Variants in ANK3 observed in about 807,000 individuals in gnomAD.
ANK3 encodes ankyrin 3.
ANK3 carries 57 observed loss-of-function variants against 370.9 expected under a neutral mutation model. That is an observed-to-expected ratio of 0.15 (90% CI 0.12 to 0.19). ANK3 has a LOEUF of 0.19. ANK3 is among the 10% of genes least tolerant of loss of function. The pLI is 1.00. For missense variants in ANK3, 4,439 were observed against 5,302.1 expected, an observed-to-expected ratio of 0.84 and a Z score of 5.06; for synonymous variants, 1,929 against 1,946.3, an observed-to-expected ratio of 0.99 and a Z score of 0.23.
At chr10:60,721,491 A>G (rs2079862749) in intron 1 of ANK3, among the ~76,000 whole-genome samples, 1 of 152,228 alleles carries the variant, frequency 6.6e-6, no homozygotes, top group Admixed American at 6.5e-5. Flanking sequence ...AGACGTTTGG[A>G]CTTTATCCTA....
chr10:60,078,341 AC>A (rs2084301884), intron 36 of ANK3, among the ~76,000 whole-genome samples: 1 of 152,156 alleles, frequency 6.6e-6, no homozygotes, highest in African/African-American at 2.4e-5. Flanking sequence ...CCTATTCATT[AC>A]CCCTTCTTGC....
intron 9 of ANK3, among the ~76,000 whole-genome samples, chr10:60,208,938 T>C (rs912175796): frequency 1.3e-5 from 2 of 152,196 alleles, no homozygotes; most frequent in African/African-American, 4.8e-5. Context: ...GACTTGTTAG[T>C]TTAAATCAAC....
At chr10:60,031,987 T>G (rs1299327013) in intron 43 of ANK3, among the ~76,000 whole-genome samples, 1 of 151,890 alleles carries the variant, frequency 6.6e-6, no homozygotes, top group East Asian at 1.9e-4. Flanking sequence ...TTGCAGAGGG[T>G]GGGCAAATCA....
rs781387552 is a variant in ANK3, at chr10:60,083,497, T to C, written c.4195A>G (p.Ile1399Val). The C allele has an allele frequency of 3.7e-6, 6 of 1,610,672 alleles. No homozygotes were observed. The Admixed American group carries it at 8.4e-5, about 23-fold the overall frequency. The change falls in exon 33 of 44, where the codon ATC becomes GTC. Residue 1399 changes from isoleucine to valine, a missense_variant. Transcript: ENST00000280772. ...SFKENRLPFS[I>V]KIRDTSQEPC... Reference sequence around the variant, plus strand: ...CTCTGTTAAAGATGATTTACCTTGATGGAAAATGGCAGTCTATTTTCTTTG... The same window carrying C: ...CTCTGTTAAAGATGATTTACCTTGACGGAAAATGGCAGTCTATTTTCTTTG...
At chr10:60,694,578 G>C (rs1404572977) in intron 1 of ANK3, among the ~76,000 whole-genome samples, 3 of 152,142 alleles carry the variant, frequency 2.0e-5, no homozygotes, top group Non-Finnish European at 2.9e-5. Flanking sequence ...CCAGAAGAGA[G>C]TGGGGGCCAA....
chr10:60,384,913 A>G (rs1038635476), intron 1 of ANK3, among the ~76,000 whole-genome samples: 5 of 152,116 alleles, frequency 3.3e-5, no homozygotes, highest in Non-Finnish European at 5.9e-5. Context: ...TATCTTTGGT[A>G]TGCAACACCC....
At chr10:60,412,755 G>C (rs1435016977) in intron 2 of ANK3, among the ~76,000 whole-genome samples, 3 of 151,982 alleles carry the variant, frequency 2.0e-5, no homozygotes, top group African/African-American at 7.3e-5. Context: ...CCAGCACAGA[G>C]AGAATGTGCA....
intron 1 of ANK3, among the ~76,000 whole-genome samples, chr10:60,345,009 T>C (rs992103076): frequency 6.6e-6 from 1 of 152,132 alleles, no homozygotes; most frequent in Non-Finnish European, 1.5e-5. Flanking sequence ...CCCAGGTCCA[T>C]GGGTTTGCTA....
chr10:60,498,099 TC>T (rs1249501970), intron 2 of ANK3, among the ~76,000 whole-genome samples: 3 of 152,188 alleles, frequency 2.0e-5, no homozygotes, highest in South Asian at 2.1e-4. Context: ...AAGCCTTCCT[TC>T]CCATTTCTAC....
intron 1 of ANK3, among the ~76,000 whole-genome samples, chr10:60,677,469 T>A (rs2079139830): frequency 1.4e-5 from 2 of 148,016 alleles, no homozygotes; most frequent in African/African-American, 5.1e-5. Context: ...AATCTTTGGT[T>A]TAGAGGCTGC....
At chr10:60,317,787 C>A (rs2047768750) in intron 1 of ANK3, among the ~76,000 whole-genome samples, 1 of 149,088 alleles carries the variant, frequency 6.7e-6, no homozygotes, top group Non-Finnish European at 1.5e-5. Flanking sequence ...GATCTCGGCT[C>A]ACTGTAAGCT....
chr10:60,305,230 C>T (rs1043157446), intron 1 of ANK3, among the ~76,000 whole-genome samples: 3 of 152,076 alleles, frequency 2.0e-5, no homozygotes, highest in African/African-American at 2.4e-5. Flanking sequence ...AAAATTGCTG[C>T]GTTTTTTGGT....
At chr10:60,178,909 A>G (rs1301424945) in intron 18 of ANK3, among the ~76,000 whole-genome samples, 2 of 151,008 alleles carry the variant, frequency 1.3e-5, no homozygotes, top group African/African-American at 2.4e-5. Flanking sequence ...GTGAACTTCA[A>G]ATGCAAAAGG....
intron 8 of ANK3, among the ~76,000 whole-genome samples, chr10:60,231,149 A>C (rs1039074015): frequency 6.6e-6 from 1 of 152,186 alleles, no homozygotes; most frequent in Non-Finnish European, 1.5e-5. Flanking sequence ...AGTCACACTT[A>C]AGATTACAGA....
intron 7 of ANK3, among the ~76,000 whole-genome samples, chr10:60,248,989 T>A (rs2097600197): frequency 6.6e-6 from 1 of 152,210 alleles, no homozygotes; most frequent in African/African-American, 2.4e-5. Flanking sequence ...GCAAAAATAG[T>A]TAATGTCTAA....
At chr10:60,628,085 AC>A (rs1595362443) in intron 1 of ANK3, among the ~76,000 whole-genome samples, 2 of 152,066 alleles carry the variant, frequency 1.3e-5, no homozygotes, top group East Asian at 3.9e-4. Context: ...TCAACAATAA[AC>A]CCTTAATTTG....
chr10:60,340,401 ATTTTTG>A (rs912863710), intron 1 of ANK3, among the ~76,000 whole-genome samples: 1 of 151,896 alleles, frequency 6.6e-6, no homozygotes, highest in African/African-American at 2.4e-5. Flanking sequence ...GGGCCAGCTA[ATTTTTG>A]TTTTTTTCTT....
chr10:60,230,892 TAA>T (rs34221364), intron 8 of ANK3, among the ~76,000 whole-genome samples: 1,996 of 137,798 alleles, frequency 0.014, 11 homozygotes, highest in Non-Finnish European at 0.017. Flanking sequence ...GACTCCATCT[TAA>T]AAAAAAAAAA....
intron 23 of ANK3, chr10:60,141,156 G>C (rs968213026): frequency 1.4e-5 from 5 of 364,442 alleles, no homozygotes; most frequent in African/African-American, 2.2e-5. Flanking sequence ...AACTCTCCAA[G>C]AGGCACTTTG....
Sources: allele counts gnomAD v4.1 joint callset (sites outside exome capture counted in the v4.1 genomes callset), GRCh38; gene constraint gnomAD v4.1.1; transcripts MANE v1.5; gene names NCBI Gene and HGNC (gene_info 2026-07-23, HGNC 2026-07-21).